Variants in HECW2 observed in about 807,000 individuals in gnomAD.
The protein encoded by HECW2 is E3 ubiquitin-protein ligase HECW2.
A neutral mutation model predicts 175.2 loss-of-function variants in HECW2; 61 were observed. The observed-to-expected ratio is 0.35, with a 90% CI of 0.28 to 0.43. HECW2 has a LOEUF of 0.43. HECW2 is among the 20% of genes least tolerant of loss of function. The pLI is 1.00. For synonymous variants in HECW2, 671 were observed against 731.0 expected (o/e 0.92, Z 1.32); for missense variants, 1,524 against 2,000.5 (o/e 0.76, Z 4.54).
At chr2:196,302,369 T>C (rs915193079) in intron 13 of HECW2, among the ~76,000 whole-genome samples, 1 of 152,254 alleles carries the variant, frequency 6.6e-6, no homozygotes, top group Non-Finnish European at 1.5e-5. Flanking sequence ...AGCTTTGTTC[T>C]TGTTGTTTAG....
intron 1 of HECW2, among the ~76,000 whole-genome samples, chr2:196,567,273 T>C (rs1057350934): frequency 2.0e-5 from 3 of 152,120 alleles, no homozygotes; most frequent in Admixed American, 1.3e-4. Flanking sequence ...AAGAGAGAAA[T>C]AACAGAAAGA....
intron 5 of HECW2, among the ~76,000 whole-genome samples, chr2:196,325,538 G>A (rs867442622): frequency 6.6e-6 from 1 of 152,102 alleles, no homozygotes; most frequent in Non-Finnish European, 1.5e-5. Context: ...CTTTTTCCTA[G>A]GGCAATGTAA....
chr2:196,569,324 AGAGT>A (rs1690294573), intron 1 of HECW2, among the ~76,000 whole-genome samples: 1 of 149,300 alleles, frequency 6.7e-6, no homozygotes, highest in Admixed American at 6.6e-5. Context: ...CCTGGGTGAC[AGAGT>A]GAGACACTGT....
intron 10 of HECW2, among the ~76,000 whole-genome samples, chr2:196,309,240 C>T (rs1313035743): frequency 2.6e-5 from 4 of 152,176 alleles, no homozygotes; most frequent in Non-Finnish European, 4.4e-5. Flanking sequence ...TGCTGAAGGC[C>T]ATCACCTCAG....
intron 1 of HECW2, among the ~76,000 whole-genome samples, chr2:196,533,279 T>C (rs778631341): frequency 1.3e-5 from 2 of 152,224 alleles, no homozygotes; most frequent in Non-Finnish European, 1.5e-5. Context: ...AAGATCCCTA[T>C]GTTGATTACG....
At chr2:196,226,107 G>A (rs917040485) in intron 22 of HECW2, among the ~76,000 whole-genome samples, 1 of 152,136 alleles carries the variant, frequency 6.6e-6, no homozygotes, top group African/African-American at 2.4e-5. Context: ...ATTGCTGGGG[G>A]TGGGGCCTGG....
At chr2:196,248,637 G>GAGAC (rs1344325232) in intron 19 of HECW2, among the ~76,000 whole-genome samples, 4 of 136,448 alleles carry the variant, frequency 2.9e-5, no homozygotes, top group African/African-American at 8.0e-5. Flanking sequence ...CACACAGAGA[G>GAGAC]AGACAGAGAG....
At chr2:196,473,702 C>T (rs1217480401) in intron 1 of HECW2, among the ~76,000 whole-genome samples, 3 of 152,182 alleles carry the variant, frequency 2.0e-5, no homozygotes, top group African/African-American at 7.2e-5. Flanking sequence ...GACATAACTG[C>T]CAACCAGTGC....
At chr2:196,397,460 T>C (rs1460097418) in intron 2 of HECW2, among the ~76,000 whole-genome samples, 1 of 152,238 alleles carries the variant, frequency 6.6e-6, no homozygotes, top group African/African-American at 2.4e-5. Context: ...GGATGTAGCT[T>C]TGTGAAATCT....
chr2:196,263,262 C>G (rs1689379712), intron 17 of HECW2: 1 of 152,198 alleles, frequency 6.6e-6, no homozygotes, highest in Non-Finnish European at 1.5e-5. Context: ...TAACCACTTC[C>G]TCCTCTGCAC....
intron 3 of HECW2, among the ~76,000 whole-genome samples, chr2:196,336,692 A>G (rs1038992652): frequency 6.6e-5 from 10 of 152,224 alleles, no homozygotes; most frequent in Non-Finnish European, 1.5e-4. Context: ...AATCATGCCA[A>G]CTTTGCTAGC....
At chr2:196,349,307 T>C (rs1209104998) in intron 2 of HECW2, among the ~76,000 whole-genome samples, 1 of 152,066 alleles carries the variant, frequency 6.6e-6, no homozygotes, top group African/African-American at 2.4e-5. Context: ...ATTACAGGAG[T>C]ATATATTCTA....
At position 196,319,828 on chromosome 2, in the gene HECW2, G is replaced by T; in HGVS notation, c.1062C>A (p.Asp354Glu). Reference protein sequence around the residue: ...VNGDLGSPSDDEDMPGSHHDS... With the variant: ...VNGDLGSPSDEEDMPGSHHDS... ...CGTGATGGCTCCCTGGCATGTCCTC[G>T]TCATCGGAAGGGCTACCTAAGTCTC... Residue 354 changes from aspartate (D) to glutamate (E), a missense_variant, in exon 9 of 29, where the codon GAC (aspartate) becomes GAA (glutamate). This residue lies in a region of HECW2 where 604 missense variants were observed against 588.3 expected (regional missense o/e 1.03). Transcript: ENST00000644978. The T allele has an allele frequency of 6.2e-7, 1 of 1,614,152 alleles. No individual in the cohort carries two copies.
chr2:196,422,068 AC>A (rs1460802127), intron 2 of HECW2, among the ~76,000 whole-genome samples: 1 of 152,164 alleles, frequency 6.6e-6, no homozygotes, highest in African/African-American at 2.4e-5. Context: ...ATGGTCATGC[AC>A]TGTCCTTGGT....
intron 2 of HECW2, among the ~76,000 whole-genome samples, chr2:196,422,645 T>C (rs1695437805): frequency 6.6e-6 from 1 of 152,136 alleles, no homozygotes; most frequent in Admixed American, 6.6e-5. Flanking sequence ...TTAGGGTTAG[T>C]AAATTATTGC....
intron 19 of HECW2, among the ~76,000 whole-genome samples, chr2:196,248,932 G>A (rs991445300): frequency 6.6e-6 from 1 of 152,146 alleles, no homozygotes; most frequent in African/African-American, 2.4e-5. Flanking sequence ...CTAGTTTCCA[G>A]GGAGTCCAGC....
rs1349869014 is a variant in HECW2 at position 196,504,452 on chromosome 2, T to C, written c.-35-70994A>G. Among the ~76,000 whole-genome samples the C allele has an allele frequency of 5.3e-5, 8 of 152,122 alleles. 1 individual carries two copies. The South Asian group carries it at 1.2e-3, about 24-fold the overall frequency. On this transcript the variant is annotated intron_variant, in intron 1 of 28. Coordinates refer to ENST00000644978, the MANE Select transcript of HECW2 (RefSeq NM_001348768.2). ...TCCTACCTGACTGAGGCCCACTCAG[T>C]CCCTCCAAGCAAGGATATATGGCAG...
At position 196,430,031 on chromosome 2, in the gene HECW2, T is replaced by C. The variant is rs149287851; in HGVS notation, c.292+3101A>G. ...ACAGCCCAGCCAGAGTGAAGAGACC[T>C]GGCTAGCACTCCAGGTATCCAGCTA... On this transcript the variant is annotated intron_variant, in intron 2 of 28. Transcript: ENST00000644978. Among the ~76,000 whole-genome samples, 89 of 152,302 alleles carry C rather than the reference T, an allele frequency of 5.8e-4. 1 individual carries two copies. Among genetic ancestry groups the C allele is most frequent in the Non-Finnish European group, 7.1e-4 (48 of 68,020 alleles).
chr2:196,281,251 A>AAT (rs1559007856), intron 14 of HECW2, among the ~76,000 whole-genome samples: 1 of 152,004 alleles, frequency 6.6e-6, no homozygotes, highest in Admixed American at 6.6e-5. Flanking sequence ...GCCTGGGAGA[A>AAT]AGGGTGCTCA....
Sources: allele counts gnomAD v4.1 joint callset (sites outside exome capture counted in the v4.1 genomes callset), GRCh38; gene constraint gnomAD v4.1.1; regional missense constraint gnomAD v4.1.1; transcripts MANE v1.5; gene names NCBI Gene and HGNC (gene_info 2026-07-23, HGNC 2026-07-21).